Variants in MAGI2 observed in about 807,000 individuals in gnomAD.
MAGI2 encodes membrane associated guanylate kinase, WW and PDZ domain containing 2, also known as membrane-associated guanylate kinase, WW and PDZ domain-containing protein 2.
In MAGI2, 35 loss-of-function variants were observed where a neutral mutation model predicts 133.3. That is an observed-to-expected ratio of 0.26 (90% CI 0.20 to 0.35). The LOEUF (loss-of-function observed/expected upper bound fraction) is 0.35. Ranked by LOEUF, MAGI2 falls within the 10% of genes least tolerant of loss-of-function variation. The probability of loss-of-function intolerance (pLI) is 1.00; values close to 1 mark genes in which losing one functional copy is unlikely to be tolerated. For missense variants in MAGI2, 1,636 were observed against 1,863.4 expected, an observed-to-expected ratio of 0.88 and a Z score of 2.25; for synonymous variants, 729 against 710.6, an observed-to-expected ratio of 1.03 and a Z score of -0.41.
At chr7:78,868,441 A>T (rs567764186) in intron 2 of MAGI2, among the ~76,000 whole-genome samples, 1 of 152,242 alleles carries the variant, frequency 6.6e-6, no homozygotes, top group Non-Finnish European at 1.5e-5. Flanking sequence ...ACCAGAGCCC[A>T]TGCTCTACCT....
chr7:78,496,778 T>C (rs144305473), intron 5 of MAGI2, among the ~76,000 whole-genome samples: 4 of 152,210 alleles, frequency 2.6e-5, no homozygotes, highest in Admixed American at 2.0e-4. Flanking sequence ...TCACAGCAAA[T>C]TGGTTAAGAA....
At chr7:78,805,295 T>G (rs1788480449) in intron 2 of MAGI2, among the ~76,000 whole-genome samples, 1 of 151,626 alleles carries the variant, frequency 6.6e-6, no homozygotes, top group African/African-American at 2.4e-5. Context: ...GACAGATTAT[T>G]TAATGGAACA....
chr7:78,153,148 T>C (rs1429685780), intron 16 of MAGI2, among the ~76,000 whole-genome samples: 1 of 152,222 alleles, frequency 6.6e-6, no homozygotes, highest in African/African-American at 2.4e-5. Flanking sequence ...CAGTTGCATC[T>C]ATTACCTGTG....
chr7:78,807,287 T>C (rs949350868), intron 2 of MAGI2, among the ~76,000 whole-genome samples: 1 of 152,132 alleles, frequency 6.6e-6, no homozygotes, highest in Non-Finnish European at 1.5e-5. Context: ...TAAAAGTATT[T>C]ATGAATGCAT....
At chr7:78,963,703 T>C (rs1444252122) in intron 2 of MAGI2, among the ~76,000 whole-genome samples, 2 of 151,766 alleles carry the variant, frequency 1.3e-5, no homozygotes, top group African/African-American at 4.8e-5. Flanking sequence ...AGACGCTCCA[T>C]ATATATATAT....
intron 6 of MAGI2, among the ~76,000 whole-genome samples, chr7:78,440,334 G>A (rs991864657): frequency 5.3e-5 from 8 of 152,146 alleles, no homozygotes; most frequent in Non-Finnish European, 1.2e-4. Context: ...CTGATGAAGT[G>A]TGCTGTAGAA....
At chr7:78,163,906 C>CAAAAAA (rs35152410) in intron 15 of MAGI2, among the ~76,000 whole-genome samples, 31 of 126,452 alleles carry the variant, frequency 2.5e-4, no homozygotes, top group African/African-American at 8.8e-4. Context: ...GACTCCGTCT[C>CAAAAAA]AAAAAAAAAA....
At chr7:79,220,802 T>C (rs1000230974) in intron 1 of MAGI2, among the ~76,000 whole-genome samples, 1 of 152,050 alleles carries the variant, frequency 6.6e-6, no homozygotes, top group Non-Finnish European at 1.5e-5. Context: ...CTGGTCACAG[T>C]GAGGAAATCA....
chr7:78,552,335 C>T (rs1799419145), intron 3 of MAGI2, among the ~76,000 whole-genome samples: 1 of 151,960 alleles, frequency 6.6e-6, no homozygotes, highest in South Asian at 2.1e-4. Context: ...AGGCATGCAT[C>T]ACCACGCCTA....
chr7:79,083,654 G>T (rs1015589376), intron 1 of MAGI2, among the ~76,000 whole-genome samples: 2 of 151,360 alleles, frequency 1.3e-5, no homozygotes, highest in African/African-American at 2.4e-5. Flanking sequence ...GTATTTGTTG[G>T]GTTATTATAC....
chr7:79,270,813 A>C (rs1834819178), intron 1 of MAGI2, among the ~76,000 whole-genome samples: 1 of 152,022 alleles, frequency 6.6e-6, no homozygotes, highest in African/African-American at 2.4e-5. Context: ...TTATTCTATA[A>C]TATTCTACCC....
At chr7:79,437,561 A>G (rs1189916672) in intron 1 of MAGI2, among the ~76,000 whole-genome samples, 1 of 152,136 alleles carries the variant, frequency 6.6e-6, no homozygotes, top group Non-Finnish European at 1.5e-5. Context: ...CTCATTACAA[A>G]CATAGTACTC....
At chr7:78,313,152 T>C (rs1798862500) in intron 9 of MAGI2, among the ~76,000 whole-genome samples, 2 of 151,944 alleles carry the variant, frequency 1.3e-5, no homozygotes, top group Admixed American at 6.6e-5. Flanking sequence ...TGTGCACACA[T>C]GGACTTAGAA....
intron 6 of MAGI2, among the ~76,000 whole-genome samples, chr7:78,453,660 G>A (rs1563019650): frequency 6.6e-6 from 1 of 152,168 alleles, no homozygotes; most frequent in Admixed American, 6.6e-5. Context: ...CCAGTGCAAT[G>A]CTGAACAGTT....
intron 1 of MAGI2, among the ~76,000 whole-genome samples, chr7:79,136,775 T>A (rs1410258540): frequency 1.3e-5 from 2 of 152,194 alleles, no homozygotes; most frequent in Admixed American, 6.5e-5. Flanking sequence ...TTGAGTTTTT[T>A]AAGCTTAGTG....
chr7:79,269,263 T>C (rs1834701443), intron 1 of MAGI2, among the ~76,000 whole-genome samples: 1 of 152,184 alleles, frequency 6.6e-6, no homozygotes, highest in Non-Finnish European at 1.5e-5. Context: ...ACTCAATCCC[T>C]AGTGGAACTA....
At chr7:78,927,635 A>C (rs1342511014) in intron 2 of MAGI2, among the ~76,000 whole-genome samples, 1 of 151,664 alleles carries the variant, frequency 6.6e-6, no homozygotes, top group Non-Finnish European at 1.5e-5. Context: ...ATTAAAAAAA[A>C]CTCTTTCCTT....
At chr7:78,647,686 C>A (rs1296935222) in intron 2 of MAGI2, among the ~76,000 whole-genome samples, 3 of 152,172 alleles carry the variant, frequency 2.0e-5, no homozygotes, top group African/African-American at 4.8e-5. Context: ...ACTACAAACA[C>A]ACATGCACAC....
Position 78,343,863 on chromosome 7 carries a change from A to G in MAGI2, c.1323T>C (p.Ile441=). ...GAAACTCATCAGGCTCGTCTCCACCAATGATGGTAAATCCAAAGCCCATGT... is the reference window on the plus strand; with the variant it reads ...GAAACTCATCAGGCTCGTCTCCACCGATGATGGTAAATCCAAAGCCCATGT... The part of the protein sequence containing the change: ...KSNMGFGFTI[I]GGDEPDEFLQ... Residue 441 remains isoleucine, a synonymous_variant, in exon 9 of 22, where the codon ATT becomes ATC. Coordinates refer to ENST00000354212, the MANE Select transcript of MAGI2 (RefSeq NM_012301.4). 1 of 1,613,568 alleles carries G rather than the reference A, an allele frequency of 6.2e-7. No individual in the cohort carries two copies. Among genetic ancestry groups the G allele is most frequent in the Non-Finnish European group, 8.5e-7 (1 of 1,179,790 alleles).
Sources: allele counts gnomAD v4.1 joint callset (sites outside exome capture counted in the v4.1 genomes callset), GRCh38; gene constraint gnomAD v4.1.1; transcripts MANE v1.5; gene names NCBI Gene and HGNC (gene_info 2026-07-23, HGNC 2026-07-21).